NEGR1: variants seen among roughly 807,000 people sequenced by gnomAD.
NEGR1 encodes IgLON family member 4.
In NEGR1, 10 loss-of-function variants were observed where a neutral mutation model predicts 40.9. That is an observed-to-expected ratio of 0.24 (90% confidence interval 0.15 to 0.42). The LOEUF (loss-of-function observed/expected upper bound fraction) is 0.42. Ranked by LOEUF, NEGR1 falls within the 10% of genes least tolerant of loss-of-function variation. The pLI is 1.00. For synonymous variants in NEGR1, 185 were observed against 166.8 expected (o/e 1.11, Z -0.84); for missense variants, 352 against 438.9 (o/e 0.80, Z 1.77).
intron 1 of NEGR1, among the ~76,000 whole-genome samples, chr1:71,990,608 C>T (rs1646440463): frequency 1.3e-5 from 2 of 152,054 alleles, no homozygotes; most frequent in South Asian, 4.1e-4. Flanking sequence ...TGGTTTCCAT[C>T]ATTTACTCCT....
intron 2 of NEGR1, among the ~76,000 whole-genome samples, chr1:71,883,008 T>C (rs1660623331): frequency 6.6e-6 from 1 of 152,160 alleles, no homozygotes; most frequent in Admixed American, 6.6e-5. Context: ...CCACAATATT[T>C]ACTTTTACTT....
At chr1:72,148,038 A>G (rs1173989880) in intron 1 of NEGR1, among the ~76,000 whole-genome samples, 1 of 151,878 alleles carries the variant, frequency 6.6e-6, no homozygotes, top group Non-Finnish European at 1.5e-5. Context: ...TGGTAGATCT[A>G]CCATTCTGGG....
At chr1:72,001,585 T>G (rs1374754300) in intron 1 of NEGR1, among the ~76,000 whole-genome samples, 1 of 150,264 alleles carries the variant, frequency 6.7e-6, no homozygotes, top group Non-Finnish European at 1.5e-5. Context: ...ATAGAAGCAT[T>G]AACAATGGGC....
intron 6 of NEGR1, among the ~76,000 whole-genome samples, chr1:71,467,475 T>C (rs1014398985): frequency 2.0e-5 from 3 of 152,126 alleles, no homozygotes; most frequent in African/African-American, 4.8e-5. Flanking sequence ...TTCAGTGTCA[T>C]ACTTTTTTAA....
At chr1:72,181,702 G>T (rs1354697692) in intron 1 of NEGR1, among the ~76,000 whole-genome samples, 2 of 152,136 alleles carry the variant, frequency 1.3e-5, no homozygotes, top group African/African-American at 2.4e-5. Context: ...AATGGGTAAA[G>T]AATGTGTAAA....
chr1:71,856,177 T>C (rs1659754666), intron 2 of NEGR1, among the ~76,000 whole-genome samples: 2 of 152,056 alleles, frequency 1.3e-5, no homozygotes, highest in Non-Finnish European at 2.9e-5. Context: ...AAGGAGTAGA[T>C]GGTCTAGTGA....
chr1:71,476,517 C>CGTGTGGG (rs752570954), intron 6 of NEGR1, among the ~76,000 whole-genome samples: 72 of 152,080 alleles, frequency 4.7e-4, no homozygotes, highest in Non-Finnish European at 7.7e-4. Flanking sequence ...CAGATAGTAA[C>CGTGTGGG]GTGTGGGGTA....
intron 1 of NEGR1, among the ~76,000 whole-genome samples, chr1:72,062,640 T>C (rs1209724191): frequency 1.3e-5 from 2 of 151,940 alleles, no homozygotes; most frequent in Admixed American, 6.6e-5. Context: ...TATCTTCCTA[T>C]AGTCTGAGGG....
At chr1:72,196,118 T>C (rs1279727633) in intron 1 of NEGR1, among the ~76,000 whole-genome samples, 5 of 152,036 alleles carry the variant, frequency 3.3e-5, no homozygotes, top group African/African-American at 1.2e-4. Context: ...TTCCTAATAA[T>C]GCTAAATAAG....
At chr1:72,028,965 T>A (rs1276962758) in intron 1 of NEGR1, among the ~76,000 whole-genome samples, 1 of 152,186 alleles carries the variant, frequency 6.6e-6, no homozygotes, top group African/African-American at 2.4e-5. Flanking sequence ...AATTGAGCAC[T>A]TGTAAAAATG....
chr1:72,206,397 A>T (rs529529807), intron 1 of NEGR1, among the ~76,000 whole-genome samples: 4 of 152,238 alleles, frequency 2.6e-5, no homozygotes, highest in African/African-American at 9.6e-5. Context: ...CATGCCCTAA[A>T]GTTCATTGTA....
intron 1 of NEGR1, among the ~76,000 whole-genome samples, chr1:72,271,776 G>A (rs1655852140): frequency 6.6e-6 from 1 of 151,836 alleles, no homozygotes; most frequent in African/African-American, 2.4e-5. Flanking sequence ...TGTTGTGGGA[G>A]GGACCTAGGG....
intron 6 of NEGR1, among the ~76,000 whole-genome samples, chr1:71,574,525 C>T (rs1648902032): frequency 6.6e-6 from 1 of 152,042 alleles, no homozygotes; most frequent in Non-Finnish European, 1.5e-5. Flanking sequence ...TAGTTACTAC[C>T]TTTTCTTTCT....
At chr1:72,115,298 A>G (rs576063622) in intron 1 of NEGR1, among the ~76,000 whole-genome samples, 2 of 151,876 alleles carry the variant, frequency 1.3e-5, no homozygotes, top group African/African-American at 4.8e-5. Flanking sequence ...ACCAAAAGTT[A>G]GGCATGGAGG....
At chr1:72,111,135 C>T (rs1557531806) in intron 1 of NEGR1, among the ~76,000 whole-genome samples, 3 of 150,956 alleles carry the variant, frequency 2.0e-5, no homozygotes, top group Admixed American at 6.6e-5. Context: ...CACACACACA[C>T]ATGCAGATTT....
rs891698205 is a variant in NEGR1, at chr1:72,005,438, T to C, written c.177-70127A>G. On this transcript the variant is annotated intron_variant, in intron 1 of 6. Transcript: ENST00000357731. The stretch of plus-strand genomic sequence containing the variant: ...TTATTAGAAATGACTTCCATCTATA[T>C]ATTCTTTCTCTTGACAAATTATAAT... Among the ~76,000 whole-genome samples the C allele has an allele frequency of 2.6e-5, 4 of 152,274 alleles. No homozygotes were observed. The East Asian group carries it at 7.7e-4, about 29-fold the overall frequency.
intron 1 of NEGR1, among the ~76,000 whole-genome samples, chr1:72,020,377 G>A (rs952644536): frequency 6.6e-6 from 1 of 152,028 alleles, no homozygotes; most frequent in African/African-American, 2.4e-5. Context: ...CTTCCATAAC[G>A]TCAGGATTCT....
intron 1 of NEGR1, among the ~76,000 whole-genome samples, chr1:71,987,759 T>C (rs972670844): frequency 5.5e-5 from 8 of 144,928 alleles, no homozygotes; most frequent in African/African-American, 2.1e-4. Flanking sequence ...TGGAATAATA[T>C]GATGAATTGA....
chr1:72,266,379 T>A (rs1478474814), intron 1 of NEGR1, among the ~76,000 whole-genome samples: 2 of 150,890 alleles, frequency 1.3e-5, no homozygotes, highest in Non-Finnish European at 3.0e-5. Context: ...GTAGTACTAA[T>A]CCTCAGTAAA....
Sources: gnomAD v4.1 joint callset for allele counts (sites outside exome capture counted in the v4.1 genomes callset) on GRCh38, gnomAD v4.1.1 for gene constraint, MANE v1.5 for transcripts, NCBI Gene and HGNC (gene_info 2026-07-23, HGNC 2026-07-21) for gene names.